Variants in DOK5 observed in about 807,000 individuals in gnomAD.
DOK5 encodes downstream of tyrosine kinase 5.
A neutral mutation model predicts 43.3 loss-of-function variants in DOK5; 27 were observed. That is an observed-to-expected ratio of 0.62 (90% CI 0.46 to 0.86). DOK5 has a LOEUF of 0.86. Among genes scored for constraint, DOK5 ranks in the 40% least tolerant of loss-of-function variants. The pLI, the probability that DOK5 is intolerant of heterozygous loss-of-function variation, is 0.00. For missense variants in DOK5, 373 were observed against 392.9 expected (o/e 0.95, Z 0.43); for synonymous variants, 146 against 140.1 (o/e 1.04, Z -0.30).
At chr20:54,611,176 C>T (rs978425329) in intron 6 of DOK5, among the ~76,000 whole-genome samples, 2 of 152,098 alleles carry the variant, frequency 1.3e-5, no homozygotes, top group Non-Finnish European at 2.9e-5. Context: ...ATAAAGATGC[C>T]CAAACATAAA....
intron 6 of DOK5, among the ~76,000 whole-genome samples, chr20:54,628,590 G>A (rs1358413163): frequency 6.6e-6 from 1 of 151,980 alleles, no homozygotes; most frequent in Non-Finnish European, 1.5e-5. Context: ...GTTGCCCCAC[G>A]ATTATCACAA....
intron 1 of DOK5, among the ~76,000 whole-genome samples, chr20:54,484,392 G>A (rs534559149): frequency 9.4e-5 from 14 of 148,262 alleles, no homozygotes; most frequent in Admixed American, 5.3e-4. Flanking sequence ...AAAAAAAAAA[G>A]TTAAGATCAA....
At chr20:54,645,565 G>T (rs1479324253) in intron 7 of DOK5, among the ~76,000 whole-genome samples, 1 of 152,002 alleles carries the variant, frequency 6.6e-6, no homozygotes, top group Non-Finnish European at 1.5e-5. Flanking sequence ...TCACCTCCAG[G>T]TCTCACCTCC....
chr20:54,567,773 A>G (rs2146743905), intron 2 of DOK5, among the ~76,000 whole-genome samples: 1 of 152,262 alleles, frequency 6.6e-6, no homozygotes, highest in East Asian at 1.9e-4. Flanking sequence ...ATTGTGGGAG[A>G]ACCGATATCT....
chr20:54,485,006 A>G (rs1030136608), intron 1 of DOK5, among the ~76,000 whole-genome samples: 4 of 152,204 alleles, frequency 2.6e-5, no homozygotes, highest in African/African-American at 9.7e-5. Flanking sequence ...CGACAGAGCA[A>G]GATGAGACTC....
intron 6 of DOK5, among the ~76,000 whole-genome samples, chr20:54,640,086 C>T (rs560464438): frequency 4.7e-4 from 71 of 152,178 alleles, no homozygotes; most frequent in African/African-American, 1.7e-3. Flanking sequence ...ACCATTTAGA[C>T]ACACCAGTGA....
chr20:54,504,738 C>T (rs1446349176), intron 1 of DOK5, among the ~76,000 whole-genome samples: 3 of 152,150 alleles, frequency 2.0e-5, no homozygotes, highest in African/African-American at 7.2e-5. Context: ...TTTTATTTAT[C>T]TGTAGACAGA....
At chr20:54,549,157 G>T (rs916114418) in intron 1 of DOK5, among the ~76,000 whole-genome samples, 1 of 152,184 alleles carries the variant, frequency 6.6e-6, no homozygotes, top group African/African-American at 2.4e-5. Flanking sequence ...ATATTTATGG[G>T]ATTGACTTGC....
chr20:54,561,402 T>A (rs1459240726), intron 2 of DOK5, among the ~76,000 whole-genome samples: 2 of 152,204 alleles, frequency 1.3e-5, no homozygotes, highest in Non-Finnish European at 2.9e-5. Flanking sequence ...CTCAGGGGAA[T>A]AAGCACAGAA....
intron 1 of DOK5, among the ~76,000 whole-genome samples, chr20:54,485,912 G>C (rs190061363): frequency 1.3e-5 from 2 of 152,312 alleles, no homozygotes; most frequent in African/African-American, 4.8e-5. Context: ...GGGTAGCAAT[G>C]TTGAGCATCT....
At chr20:54,503,973 G>A (rs910350812) in intron 1 of DOK5, among the ~76,000 whole-genome samples, 7 of 152,204 alleles carry the variant, frequency 4.6e-5, no homozygotes, top group African/African-American at 1.7e-4. Context: ...AGGTTTCTGA[G>A]GAGCTGAAGG....
At chr20:54,488,943 A>G (rs1262107450) in intron 1 of DOK5, among the ~76,000 whole-genome samples, 1 of 152,130 alleles carries the variant, frequency 6.6e-6, no homozygotes, top group Non-Finnish European at 1.5e-5. Context: ...CTGTATCCCC[A>G]GGTCGTAGTC....
intron 2 of DOK5, among the ~76,000 whole-genome samples, chr20:54,566,760 G>A (rs1420171010): frequency 6.6e-6 from 1 of 152,070 alleles, no homozygotes; most frequent in Non-Finnish European, 1.5e-5. Flanking sequence ...AGGACTACAG[G>A]CATGCACCAC....
In DOK5 at chr20:54,579,550, C is replaced by T. The variant is rs188660780; in HGVS notation, c.175-8933C>T. Among the ~76,000 whole-genome samples the T allele has an allele frequency of 2.6e-5, 4 of 152,184 alleles. No homozygotes were observed. The East Asian group carries it at 7.7e-4, about 29-fold the overall frequency. On this transcript the variant is annotated intron_variant, in intron 2 of 7. Transcript: ENST00000262593. ...GAATTCTATATTCGTTAAACAGCAA[C>T]CTCCCATTCCCCTCTCCCTGCAGTC... is the stretch of plus-strand genomic sequence containing the variant.
intron 1 of DOK5, among the ~76,000 whole-genome samples, chr20:54,552,781 C>G (rs1315511614): frequency 1.3e-5 from 2 of 152,096 alleles, no homozygotes; most frequent in African/African-American, 4.8e-5. Flanking sequence ...AACTAAACTT[C>G]GGAGTAGAGT....
chr20:54,489,422 G>A (rs1255617429), intron 1 of DOK5, among the ~76,000 whole-genome samples: 1 of 152,092 alleles, frequency 6.6e-6, no homozygotes, highest in Non-Finnish European at 1.5e-5. Flanking sequence ...TTGTGTGCAT[G>A]TGTGTGTCTG....
chr20:54,610,098 T>C (rs982247021), intron 5 of DOK5, among the ~76,000 whole-genome samples: 1 of 152,220 alleles, frequency 6.6e-6, no homozygotes, highest in Non-Finnish European at 1.5e-5. Context: ...GTGAAGTATT[T>C]ATTATACTGC....
intron 2 of DOK5, among the ~76,000 whole-genome samples, chr20:54,573,731 G>A (rs920711442): frequency 3.3e-5 from 5 of 150,394 alleles, no homozygotes; most frequent in South Asian, 2.1e-4. Flanking sequence ...TTGGTTGTGC[G>A]TTGACTTCAT....
intron 1 of DOK5, among the ~76,000 whole-genome samples, chr20:54,552,675 T>G (rs115149494): frequency 0.014 from 2,200 of 152,286 alleles, 47 homozygotes; most frequent in African/African-American, 0.05. Flanking sequence ...TTGTTGAAAT[T>G]TGAGTAATCC....
Sources: allele counts gnomAD v4.1 joint callset (sites outside exome capture counted in the v4.1 genomes callset), GRCh38; gene constraint gnomAD v4.1.1; transcripts MANE v1.5; gene names NCBI Gene and HGNC (gene_info 2026-07-23, HGNC 2026-07-21).